Variants in VRK3 observed in about 807,000 individuals in gnomAD.
The protein encoded by VRK3 is VRK serine/threonine kinase 3.
A neutral mutation model predicts 60.4 loss-of-function variants in VRK3; 50 were observed. The observed-to-expected ratio is 0.83, with a 90% CI of 0.66 to 1.05. The LOEUF is 1.05. Among genes scored for constraint, VRK3 ranks in the 50% least tolerant of loss-of-function variants. VRK3 has a pLI of 0.00. For missense variants in VRK3, 549 were observed against 585.3 expected (o/e 0.94, Z 0.64); for synonymous variants, 246 against 227.8 (o/e 1.08, Z -0.72).
intron 3 of VRK3, among the ~76,000 whole-genome samples, chr19:50,014,614 T>A (rs1370202209): frequency 6.6e-6 from 1 of 151,470 alleles, no homozygotes; most frequent in African/African-American, 2.4e-5. Context: ...CTGAAGGCAG[T>A]GAAAGAGTGG....
At chr19:50,008,935 A>G in intron 4 of VRK3, 1 of 313,898 alleles carries the variant, frequency 3.2e-6, no homozygotes, top group Non-Finnish European at 5.9e-6. Flanking sequence ...GTTGAGGGCT[A>G]AAGCAGGAAC....
chr19:49,992,782 T>C, intron 10 of VRK3, 78 bp downstream of exon 10: 7 of 1,370,736 alleles, frequency 5.1e-6, no homozygotes, highest in Non-Finnish European at 7.2e-6. Flanking sequence ...ATAAGCACTA[T>C]GAAATAAATA....
intron 2 of VRK3, among the ~76,000 whole-genome samples, chr19:50,016,997 C>G (rs2077089478): frequency 6.6e-6 from 1 of 151,928 alleles, no homozygotes; most frequent in Admixed American, 6.6e-5. Context: ...TGAGACCAGT[C>G]TGTCCAACAT....
At chr19:50,005,646 T>C (rs1452522535) in intron 5 of VRK3, among the ~76,000 whole-genome samples, 2 of 149,924 alleles carry the variant, frequency 1.3e-5, no homozygotes, top group Non-Finnish European at 2.9e-5. Context: ...GCTAAGTGGC[T>C]AAGCCACATG....
At position 50,021,936 on chromosome 19, in the gene VRK3, T is replaced by C. The variant is rs142535301; in HGVS notation, c.-64-1289A>G. Among the ~76,000 whole-genome samples the C allele has an allele frequency of 6.8e-4, 103 of 152,290 alleles. 1 individual carries two copies. In the East Asian group the frequency reaches 0.018, roughly 27 times the overall value. On this transcript the variant is annotated intron_variant, in intron 1 of 14. Transcript: ENST00000316763. ...CTTTGGGGAGATGAGAAGCAGAGGC[T>C]CAGAGAGCAAATGACTTGCCCAGGG... is the stretch of plus-strand genomic sequence containing the variant.
intron 6 of VRK3, 50 bp downstream of exon 6, chr19:50,000,740 T>C: frequency 6.4e-7 from 1 of 1,563,968 alleles, no homozygotes; most frequent in South Asian, 1.2e-5. Context: ...AGGATGTGTT[T>C]GTGAAAGTCC....
At position 50,009,310 on chromosome 19, in the gene VRK3, G is replaced by A; in HGVS notation, c.215C>T (p.Pro72Leu). 1 of 1,614,148 alleles carries A rather than the reference G, an allele frequency of 6.2e-7. No individual in the cohort carries two copies. Among genetic ancestry groups the A allele is most frequent in the Non-Finnish European group, 8.5e-7 (1 of 1,180,012 alleles). Residue 72 changes from proline (P) to leucine (L), a missense_variant, in exon 4 of 15, where the codon CCC (proline) becomes CTC (leucine). Physicochemically the swap from Pro to Leu is moderately conservative, Grantham distance 98. Coordinates refer to ENST00000316763, the MANE Select transcript of VRK3 (RefSeq NM_016440.4). The stretch of plus-strand genomic sequence containing the variant: ...ACCATCTGAGAAGAGGGATAATCGG[G>A]GAGAGGTGACGGTGCTGGACCATTT... ...KVKWSSTVTSPRLSLFSDGDS... is the reference protein window; with the variant it reads ...KVKWSSTVTSLRLSLFSDGDS...
chr19:50,020,863 C>T (rs755700470), intron 1 of VRK3, among the ~76,000 whole-genome samples: 3 of 152,194 alleles, frequency 2.0e-5, no homozygotes, highest in African/African-American at 4.8e-5. Flanking sequence ...CTTCAGGATG[C>T]GCACGTTCTG....
intron 11 of VRK3, 143 bp downstream of exon 11, chr19:49,989,496 C>T: frequency 2.5e-6 from 3 of 1,177,082 alleles, no homozygotes; most frequent in Non-Finnish European, 3.4e-6. Context: ...GGTCGGGACG[C>T]TGTCTGTGGT....
Position 50,005,581 on chromosome 19 carries a change from T to C in VRK3, c.547+1988A>G, listed in dbSNP as rs191660932. On this transcript the variant is annotated intron_variant, in intron 5 of 14. Transcript: ENST00000316763. Reference sequence around the variant, plus strand: ...CAAATAACTTGTAAGCAAATATTCATGGCAGCGTTACTCATAACAGCCCAA... The same window carrying C: ...CAAATAACTTGTAAGCAAATATTCACGGCAGCGTTACTCATAACAGCCCAA... Among the ~76,000 whole-genome samples the C allele has an allele frequency of 5.1e-4, 77 of 149,982 alleles. 2 individuals are homozygous for C. Among genetic ancestry groups the C allele is most frequent in the Admixed American group, 4.6e-4 (7 of 15,256 alleles).
At chr19:49,994,769 T>C (rs368363878) in intron 9 of VRK3, 45 bp downstream of exon 9, 52 of 1,554,986 alleles carry the variant, frequency 3.3e-5, no homozygotes, top group Non-Finnish European at 4.6e-5. Context: ...TAGGATGTGA[T>C]GTGCCCTCCC....
chr19:49,996,625 T>C (rs1225334189), intron 7 of VRK3, among the ~76,000 whole-genome samples: 2 of 152,234 alleles, frequency 1.3e-5, no homozygotes, highest in Non-Finnish European at 2.9e-5. Flanking sequence ...ACTTATTTTA[T>C]ATATTTTTTG....
At chr19:50,023,138 A>C (rs941011461) in intron 1 of VRK3, among the ~76,000 whole-genome samples, 6 of 152,200 alleles carry the variant, frequency 3.9e-5, no homozygotes, top group Admixed American at 2.0e-4. Context: ...CTCTCTGTTC[A>C]AATGTCACCT....
In VRK3 at chr19:49,976,503, G is replaced by A. The variant is rs1042638314; in HGVS notation, c.*293C>T. The A allele has an allele frequency of 4.6e-5, 7 of 152,660 alleles. No homozygotes were observed. The highest frequency in any genetic ancestry group is 1.7e-4 in the African/African-American group (7 of 41,470). 9.5% of individuals were successfully genotyped at this position (152,660 alleles called of 1,614,324 possible). On this transcript the variant is annotated 3_prime_UTR_variant, in exon 15 of 15. Transcript: ENST00000316763. ...CAATTTATTACCAAAGCACAGAGGT[G>A]TCAAGGGTAGGAGGGGTCCCCCCTG...
intron 13 of VRK3, among the ~76,000 whole-genome samples, chr19:49,980,285 G>A (rs1206294060): frequency 2.6e-5 from 4 of 152,048 alleles, no homozygotes; most frequent in Admixed American, 6.6e-5. Context: ...GTTACGGTGC[G>A]GACAAACCAT....
intron 7 of VRK3, among the ~76,000 whole-genome samples, chr19:49,996,277 G>C (rs1470706437): frequency 6.6e-6 from 1 of 151,780 alleles, no homozygotes. Flanking sequence ...GGCTGGTCTC[G>C]AACTCCTGAC....
chr19:50,006,538 G>A lies in VRK3; in HGVS notation c.547+1031C>T, dbSNP rs1444101432. 3.3e-5 allele frequency among the ~76,000 whole-genome samples: 5 copies of A among 151,814 alleles called. No homozygotes were observed. In the East Asian group the frequency reaches 9.9e-4, roughly 30 times the overall value. ...CTACAGGTGCCAGCCACCACACCCG[G>A]CTAATTTTTTGTATTTTTAGTAGAG... On this transcript the variant is annotated intron_variant, in intron 5 of 14. Transcript: ENST00000316763.
intron 10 of VRK3, among the ~76,000 whole-genome samples, chr19:49,990,545 C>T (rs1331158584): frequency 1.3e-5 from 2 of 151,692 alleles, no homozygotes; most frequent in Non-Finnish European, 2.9e-5. Flanking sequence ...CATGCCCAGC[C>T]GATTTTTTGT....
At chr19:49,985,216 C>G (rs1047405836) in intron 12 of VRK3, among the ~76,000 whole-genome samples, 5 of 152,178 alleles carry the variant, frequency 3.3e-5, no homozygotes, top group African/African-American at 1.2e-4. Context: ...CTCGTTTTCA[C>G]CTGGCTTCAT....
Sources: allele counts gnomAD v4.1 joint callset (sites outside exome capture counted in the v4.1 genomes callset), GRCh38; gene constraint gnomAD v4.1.1; transcripts MANE v1.5; gene names NCBI Gene and HGNC (gene_info 2026-07-23, HGNC 2026-07-21).